USP34: variants seen among roughly 807,000 people sequenced by gnomAD.
USP34 encodes ubiquitin specific peptidase 34, also known as ubiquitin carboxyl-terminal hydrolase 34.
Under a neutral mutation model 460.3 loss-of-function variants are expected in USP34, and 70 were observed. The ratio of observed to expected loss-of-function variants is 0.15; its 90% confidence interval spans 0.13 to 0.19. USP34 has a LOEUF of 0.19. Among genes scored for constraint, USP34 ranks in the 10% least tolerant of loss-of-function variants. The pLI is 1.00. For synonymous variants in USP34, 1,647 were observed against 1,405.3 expected (o/e 1.17, Z -3.85); for missense variants, 3,985 against 4,236.2 (o/e 0.94, Z 1.65).
intron 21 of USP34, among the ~76,000 whole-genome samples, chr2:61,321,908 A>C (rs557467268): frequency 1.1e-4 from 16 of 152,296 alleles, no homozygotes; most frequent in African/African-American, 3.6e-4. Flanking sequence ...ATAGGAGATA[A>C]ATAAGTAAGC....
intron 1 of USP34, among the ~76,000 whole-genome samples, chr2:61,462,758 G>A (rs1695642109): frequency 6.6e-6 from 1 of 151,306 alleles, no homozygotes; most frequent in African/African-American, 2.4e-5. Flanking sequence ...CTACTTGGGA[G>A]GGTGAGGCAC....
chr2:61,188,832 A>C (rs1686531473), intron 79 of USP34, 78 bp downstream of exon 79: 1 of 1,579,566 alleles, frequency 6.3e-7, no homozygotes, highest in Non-Finnish European at 8.6e-7. Flanking sequence ...TGAACACACA[A>C]CTCTTAAACC....
At chr2:61,293,093 G>A (rs1269296415) in intron 33 of USP34, among the ~76,000 whole-genome samples, 1 of 151,590 alleles carries the variant, frequency 6.6e-6, no homozygotes, top group Non-Finnish European at 1.5e-5. Flanking sequence ...TACTATAAAG[G>A]AAGAAATGAT....
At chr2:61,429,854 G>C (rs1194117893) in intron 1 of USP34, among the ~76,000 whole-genome samples, 1 of 152,026 alleles carries the variant, frequency 6.6e-6, no homozygotes, top group African/African-American at 2.4e-5. Context: ...CTGAGGTCAG[G>C]AGTTCGAGAC....
intron 10 of USP34, among the ~76,000 whole-genome samples, chr2:61,358,369 T>C (rs978031045): frequency 6.6e-5 from 10 of 151,986 alleles, no homozygotes; most frequent in African/African-American, 2.2e-4. Context: ...ACTAAACTTA[T>C]AGTTCTAAAA....
In USP34 at chr2:61,283,070, GCT is replaced by G. The variant is rs1304211315; in HGVS notation, c.4998+73_4998+74del. On this transcript the variant is annotated intron_variant, in intron 37 of 79. Coordinates refer to ENST00000398571, the MANE Select transcript of USP34 (RefSeq NM_014709.4). ...GACTCACGCATATTTGTTTCCATTA[GCT>G]CTTTTATTATCAATGCTAATAACAT... The G allele has an allele frequency of 2.7e-6, 4 of 1,487,930 alleles. No individual in the cohort carries two copies. The Admixed American group carries it at 7.4e-5, about 28-fold the overall frequency. The allele number at this position is 1,487,930 out of a possible 1,614,324, so 92.2% of individuals were successfully genotyped here. A position where few individuals can be genotyped will look rare whatever the true frequency, so the allele number is the denominator to read the frequency against.
rs1381569809 is a variant in USP34, at chr2:61,214,386, T to G, written c.8356A>C (p.Lys2786Gln). The change falls in exon 68 of 80, where the codon AAA becomes CAA. Residue 2786 changes from lysine (K) to glutamine (Q), a missense_variant. This residue lies in a region of USP34 where 66 missense variants were observed against 121.2 expected (regional missense o/e 0.54). Transcript: ENST00000398571. The part of the protein sequence containing the change: ...FMDLWNLFQP[K>Q]LSEPAIATNH... ...GTAGCTATTGCTGGCTCAGAAAGTT[T>G]AGGCTGGAAAAGGTTCCACAAATCC... 6.2e-7 allele frequency: 1 copy of G among 1,614,088 alleles called. No individual in the cohort carries two copies. Among genetic ancestry groups the G allele is most frequent in the African/African-American group, 1.3e-5 (1 of 74,940 alleles).
intron 74 of USP34, among the ~76,000 whole-genome samples, chr2:61,203,848 A>G (rs1687040246): frequency 6.6e-6 from 1 of 152,116 alleles, no homozygotes. Flanking sequence ...AAATGATGAC[A>G]AATCTATCAA....
At chr2:61,306,095 T>A (rs981315928) in intron 27 of USP34, among the ~76,000 whole-genome samples, 1 of 108,630 alleles carries the variant, frequency 9.2e-6, no homozygotes, top group African/African-American at 3.2e-5. Flanking sequence ...ATCCCATTTG[T>A]CTATTTTGGC....
intron 21 of USP34, among the ~76,000 whole-genome samples, chr2:61,319,775 G>A (rs1362932962): frequency 2.0e-5 from 3 of 152,092 alleles, no homozygotes; most frequent in Non-Finnish European, 4.4e-5. Flanking sequence ...AACCTGGGAG[G>A]TGAAGGTTGC....
intron 13 of USP34, 95 bp downstream of exon 13, chr2:61,349,155 G>A: frequency 7.1e-7 from 1 of 1,405,074 alleles, no homozygotes; most frequent in Admixed American, 2.2e-5. Context: ...CTTTATGACT[G>A]ATACAAATAT....
chr2:61,304,791 A>G (rs1428485663), intron 27 of USP34, among the ~76,000 whole-genome samples: 3 of 152,222 alleles, frequency 2.0e-5, no homozygotes, highest in African/African-American at 7.2e-5. Context: ...GTTGACTATT[A>G]TGGCTGAACT....
At chr2:61,322,849 G>C (rs1690968235) in intron 21 of USP34, among the ~76,000 whole-genome samples, 2 of 151,978 alleles carry the variant, frequency 1.3e-5, no homozygotes, top group African/African-American at 4.8e-5. Context: ...CATTAATTAA[G>C]GAGAACAAGA....
At chr2:61,261,881 G>A (rs1434863548) in intron 43 of USP34, among the ~76,000 whole-genome samples, 2 of 151,648 alleles carry the variant, frequency 1.3e-5, no homozygotes, top group Non-Finnish European at 1.5e-5. Flanking sequence ...GAGGCGGGGG[G>A]ATCACGAGGT....
At chr2:61,407,241 A>C (rs902158644) in intron 2 of USP34, among the ~76,000 whole-genome samples, 2 of 152,286 alleles carry the variant, frequency 1.3e-5, no homozygotes, top group Middle Eastern at 3.4e-3. Flanking sequence ...AAAATTAAAG[A>C]ATCAGCTAGG....
chr2:61,419,104 C>G (rs969748677), intron 2 of USP34, among the ~76,000 whole-genome samples: 2 of 152,136 alleles, frequency 1.3e-5, no homozygotes, highest in African/African-American at 4.8e-5. Context: ...TGAGAGTTTA[C>G]AGAACTTAAC....
At chr2:61,281,885 A>C (rs941584253) in intron 37 of USP34, among the ~76,000 whole-genome samples, 1 of 152,256 alleles carries the variant, frequency 6.6e-6, no homozygotes, top group Admixed American at 6.5e-5. Context: ...AAGCAACTTC[A>C]ATCGGAATAT....
chr2:61,445,306 C>T lies in USP34; in HGVS notation c.44-24473G>A, dbSNP rs562762698. 6.7e-5 allele frequency among the ~76,000 whole-genome samples: 10 copies of T among 148,500 alleles called. 1 individual carries two copies. The South Asian group carries it at 1.1e-3, about 16-fold the overall frequency. On this transcript the variant is annotated intron_variant, in intron 1 of 79. Transcript: ENST00000398571. Reference sequence around the variant, plus strand: ...ATCCCAGCACTTTGGGAGGCCGAGGCGGGCGGATCACAAGGTCAGGAGATC... The same window carrying T: ...ATCCCAGCACTTTGGGAGGCCGAGGTGGGCGGATCACAAGGTCAGGAGATC...
At chr2:61,232,040 G>A (rs540508462) in intron 58 of USP34, among the ~76,000 whole-genome samples, 8 of 151,998 alleles carry the variant, frequency 5.3e-5, no homozygotes, top group Admixed American at 3.3e-4. Context: ...AAACTGTTTC[G>A]TTTGACAGTT....
Sources: allele counts gnomAD v4.1 joint callset (sites outside exome capture counted in the v4.1 genomes callset), GRCh38; gene constraint gnomAD v4.1.1; regional missense constraint gnomAD v4.1.1; transcripts MANE v1.5; gene names NCBI Gene and HGNC (gene_info 2026-07-23, HGNC 2026-07-21).